The following TENM2 variants were observed in gnomAD, a reference collection of about 807,000 sequenced individuals.
The protein encoded by TENM2 is teneurin-2.
Under a neutral mutation model 245.2 loss-of-function variants are expected in TENM2, and 52 were observed. The observed-to-expected ratio is 0.21, with a 90% confidence interval of 0.17 to 0.27. The LOEUF is 0.27. Among genes scored for constraint, TENM2 ranks in the 10% least tolerant of loss-of-function variants. The probability of loss-of-function intolerance (pLI) is 1.00; values close to 1 mark genes in which losing one functional copy is unlikely to be tolerated. For synonymous variants in TENM2, 1,363 were observed against 1,438.9 expected, an observed-to-expected ratio of 0.95 and a Z score of 1.19; for missense variants, 3,046 against 3,666.8, an observed-to-expected ratio of 0.83 and a Z score of 4.37.
the TENM2 span, among the ~76,000 whole-genome samples, chr5:167,181,178 G>C: frequency 1.3e-5 from 2 of 152,018 alleles, no homozygotes; most frequent in Non-Finnish European, 2.9e-5. Flanking sequence ...TTTCGGCACA[G>C]CAGTCATGGT....
At chr5:167,093,585 G>A in the TENM2 span, among the ~76,000 whole-genome samples, 45 of 152,160 alleles carry the variant, frequency 3.0e-4, no homozygotes, top group African/African-American at 1.1e-3. Flanking sequence ...GTTTCCGAAT[G>A]TTGTTATCTA....
intron 2 of TENM2, among the ~76,000 whole-genome samples, chr5:167,461,384 C>G (rs1235840059): frequency 6.6e-6 from 1 of 152,082 alleles, no homozygotes; most frequent in Non-Finnish European, 1.5e-5. Context: ...TAGATGGCCT[C>G]AAGAGACAGC....
chr5:167,122,324 A>G, the TENM2 span, among the ~76,000 whole-genome samples: 2 of 152,018 alleles, frequency 1.3e-5, no homozygotes, highest in African/African-American at 4.8e-5. Flanking sequence ...TCATTTGCCA[A>G]TTTTTCCCTG....
At chr5:167,569,049 C>T (rs145270577) in intron 2 of TENM2, among the ~76,000 whole-genome samples, 38 of 142,576 alleles carry the variant, frequency 2.7e-4, no homozygotes, top group Non-Finnish European at 5.1e-4. Context: ...GTATGAGGAC[C>T]GAAATCAATG....
chr5:168,106,350 AT>A (rs1794241260), intron 9 of TENM2, among the ~76,000 whole-genome samples: 3 of 152,222 alleles, frequency 2.0e-5, no homozygotes, highest in Middle Eastern at 3.4e-3. Context: ...ACAAATCATC[AT>A]CATCATCATC....
At chr5:167,337,664 A>G (rs565224549) in intron 1 of TENM2, among the ~76,000 whole-genome samples, 1 of 152,312 alleles carries the variant, frequency 6.6e-6, no homozygotes, top group African/African-American at 2.4e-5. Flanking sequence ...GATAACTCTA[A>G]AGCAGATGAA....
chr5:167,097,870 A>G, the TENM2 span, among the ~76,000 whole-genome samples: 1 of 152,134 alleles, frequency 6.6e-6, no homozygotes, highest in African/African-American at 2.4e-5. Flanking sequence ...ATAGACCTCG[A>G]CTACTTCTCT....
At chr5:168,262,538 C>A (rs761120203) in exon 29 of TENM2, 6 of 1,557,006 alleles carry the variant, frequency 3.9e-6, no homozygotes, top group Non-Finnish European at 5.2e-6. Flanking sequence ...TGGCCTCACC[C>A]CCGACACCCT....
At chr5:167,538,066 TG>T (rs1771963288) in intron 2 of TENM2, among the ~76,000 whole-genome samples, 1 of 152,238 alleles carries the variant, frequency 6.6e-6, no homozygotes, top group Non-Finnish European at 1.5e-5. Flanking sequence ...ATCCAAAACT[TG>T]TTAGCCTATG....
chr5:168,101,501 A>T (rs1037769804), intron 9 of TENM2, among the ~76,000 whole-genome samples: 1 of 151,984 alleles, frequency 6.6e-6, no homozygotes, highest in South Asian at 2.1e-4. Context: ...TGGGGTGTCC[A>T]TTTAGCTGCT....
intron 2 of TENM2, among the ~76,000 whole-genome samples, chr5:167,812,923 C>A (rs954551375): frequency 6.6e-6 from 1 of 152,186 alleles, no homozygotes; most frequent in African/African-American, 2.4e-5. Context: ...GGTATTCATT[C>A]CACTGAGACT....
At chr5:167,331,724 C>G (rs1183257507) in intron 1 of TENM2, among the ~76,000 whole-genome samples, 2 of 152,108 alleles carry the variant, frequency 1.3e-5, no homozygotes, top group Admixed American at 1.3e-4. Context: ...AAGTGAGACC[C>G]ATTAAATGTG....
chr5:167,202,521 C>T, the TENM2 span, among the ~76,000 whole-genome samples: 11 of 152,238 alleles, frequency 7.2e-5, no homozygotes, highest in Non-Finnish European at 1.0e-4. Context: ...GGTATTCTGT[C>T]GGAGAAAGCC....
chr5:167,876,731 T>TG (rs1195938288), intron 3 of TENM2, among the ~76,000 whole-genome samples: 1 of 152,150 alleles, frequency 6.6e-6, no homozygotes, highest in Non-Finnish European at 1.5e-5. Flanking sequence ...CTGAAGTGTT[T>TG]GGGGGGTGAC....
At position 168,244,754 on chromosome 5, in the gene TENM2, G is replaced by A; in HGVS notation, c.5817+38G>A. 5 of 1,369,748 alleles carry A rather than the reference G, an allele frequency of 3.7e-6. No individual in the cohort carries two copies. The highest frequency in any genetic ancestry group is 4.8e-6 in the Non-Finnish European group (5 of 1,048,856). 84.8% of individuals were successfully genotyped at this position (1,369,748 alleles called of 1,614,324 possible). A position where few individuals can be genotyped will look rare whatever the true frequency, so the allele number is the denominator to read the frequency against. On this transcript the variant is annotated intron_variant, in intron 26 of 28. Coordinates refer to ENST00000518659, the Ensembl canonical transcript of TENM2. The surrounding 1 kb of genome is among the most constrained non-coding windows in gnomAD (Gnocchi z 4.9). ...GCTGCCCTGACAGCAAGGGCTTTCT[G>A]TTATTTCTGTTATTCCGGCTTCTTT...
chr5:167,709,843 A>G (rs1303315405), intron 2 of TENM2, among the ~76,000 whole-genome samples: 2 of 152,178 alleles, frequency 1.3e-5, no homozygotes, highest in Admixed American at 6.5e-5. Flanking sequence ...AAAGGCAAGA[A>G]TGAGAGAGAG....
chr5:166,982,533 C>A, the TENM2 span, among the ~76,000 whole-genome samples: 1 of 152,010 alleles, frequency 6.6e-6, no homozygotes, highest in African/African-American at 2.4e-5. Flanking sequence ...CACTTGAGAA[C>A]TAAAACTTAA....
intron 2 of TENM2, among the ~76,000 whole-genome samples, chr5:167,446,793 GCACACACACA>G (rs34343283): frequency 4.2e-5 from 6 of 144,006 alleles, no homozygotes; most frequent in African/African-American, 7.7e-5. Context: ...TTTGAAACAC[GCACACACACA>G]CACACACACA....
At chr5:167,147,554 C>G in the TENM2 span, among the ~76,000 whole-genome samples, 2 of 152,036 alleles carry the variant, frequency 1.3e-5, no homozygotes, top group African/African-American at 4.8e-5. Flanking sequence ...GCCAAATACC[C>G]ACCTTTCAGA....
Sources: allele counts gnomAD v4.1 joint callset (sites outside exome capture counted in the v4.1 genomes callset), GRCh38; gene constraint gnomAD v4.1.1; non-coding constraint Gnocchi (gnomAD v3.1); transcripts MANE v1.5; gene names NCBI Gene and HGNC (gene_info 2026-07-23, HGNC 2026-07-21).